SH2D4B: variants seen among roughly 807,000 people sequenced by gnomAD.
SH2D4B encodes SH2 domain containing 4B, also known as SH2 domain-containing protein 4B.
Under a neutral mutation model 61.5 loss-of-function variants are expected in SH2D4B, and 45 were observed. The observed-to-expected ratio is 0.73, with a 90% CI of 0.58 to 0.94. The LOEUF is 0.94. SH2D4B is among the 40% of genes least tolerant of loss of function. SH2D4B has a pLI of 0.00. For synonymous variants in SH2D4B, 224 were observed against 220.4 expected (o/e 1.02, Z -0.14); for missense variants, 572 against 574.2 (o/e 1.00, Z 0.04).
At chr10:80,643,794 GT>G (rs569340380) in intron 7 of SH2D4B, among the ~76,000 whole-genome samples, 198 bp from the exon 8 acceptor site, 28 of 147,796 alleles carry the variant, frequency 1.9e-4, no homozygotes, top group South Asian at 6.5e-4. Flanking sequence ...CGATGACAAA[GT>G]TTTTTTTTTT....
intron 6 of SH2D4B, among the ~76,000 whole-genome samples, chr10:80,629,572 G>A (rs1842806846): frequency 6.6e-6 from 1 of 152,144 alleles, no homozygotes; most frequent in Non-Finnish European, 1.5e-5. Context: ...TGTGTGTCAG[G>A]GGTTGTGGTG....
rs924334516 is a variant in SH2D4B at position 80,538,264 on chromosome 10, C to T, written c.-68C>T. 9 of 1,245,372 alleles carry T rather than the reference C, an allele frequency of 7.2e-6. No homozygotes were observed. Among genetic ancestry groups the T allele is most frequent in the East Asian group, 6.3e-5 (2 of 31,988 alleles). The allele number at this position is 1,245,372 out of a possible 1,614,324, so 77.1% of individuals were successfully genotyped here. A position where few individuals can be genotyped will look rare whatever the true frequency, so the allele number is the denominator to read the frequency against. On this transcript the variant is annotated 5_prime_UTR_variant, in exon 1 of 8. Transcript: ENST00000646907. This position sits in a 1 kb window ranked among gnomAD's most constrained non-coding sequence, Gnocchi z 4.8. The stretch of plus-strand genomic sequence containing the variant: ...CAGTCCGTAGTGCAGAGCAGCCCCT[C>T]GGGCGTTCTGCCTGGCCCTGCTTCC...
rs200182505 is a variant in SH2D4B, at chr10:80,588,781, A to T, written c.643+4A>T. ...GAGCGAGAGTGGGAAGAACAGTGTGAGTAGAGCTTGTGCCTCAGGCAGGGA... is the reference window on the plus strand; with the variant it reads ...GAGCGAGAGTGGGAAGAACAGTGTGTGTAGAGCTTGTGCCTCAGGCAGGGA... On this transcript the variant is annotated splice_donor_region_variant and intron_variant, in intron 4 of 7. Coordinates refer to ENST00000646907, the MANE Select transcript of SH2D4B (RefSeq NM_001388272.1). 8.7e-6 allele frequency: 14 copies of T among 1,613,824 alleles called. No individual in the cohort carries two copies. Among genetic ancestry groups the T allele is most frequent in the Non-Finnish European group, 6.8e-6 (8 of 1,179,986 alleles).
At chr10:80,563,207 G>T (rs891204701) in intron 1 of SH2D4B, among the ~76,000 whole-genome samples, 5 of 152,194 alleles carry the variant, frequency 3.3e-5, no homozygotes. Context: ...GGCCGATGCT[G>T]AACATTTTTT....
rs951467926 is a variant in SH2D4B, at chr10:80,646,406, A to T, written c.*2321A>T. 6.6e-6 allele frequency: 1 copy of T among 152,370 alleles called. No homozygotes were observed. Among genetic ancestry groups the T allele is most frequent in the Non-Finnish European group, 1.5e-5 (1 of 68,008 alleles). 9.4% of individuals were successfully genotyped at this position (152,370 alleles called of 1,614,324 possible). A position where few individuals can be genotyped will look rare whatever the true frequency, so the allele number is the denominator to read the frequency against. ...TATTTCATTTTATTTGGGGCCTGCA[A>T]TTTCTGCATGTCTCATATATTTTAG... On this transcript the variant is annotated 3_prime_UTR_variant, in exon 8 of 8. Coordinates refer to ENST00000646907, the MANE Select transcript of SH2D4B (RefSeq NM_001388272.1).
chr10:80,625,178 T>C (rs1842757076), intron 6 of SH2D4B, among the ~76,000 whole-genome samples: 1 of 152,242 alleles, frequency 6.6e-6, no homozygotes, highest in Non-Finnish European at 1.5e-5. Flanking sequence ...TGAGAACGTT[T>C]TTTTTTCTCA....
chr10:80,635,624 G>A (rs1842889084), intron 7 of SH2D4B, among the ~76,000 whole-genome samples: 1 of 152,176 alleles, frequency 6.6e-6, no homozygotes. Flanking sequence ...CAGGATCAAG[G>A]TTGATTTCTA....
intron 4 of SH2D4B, among the ~76,000 whole-genome samples, chr10:80,598,071 T>C (rs1338746544): frequency 1.3e-5 from 2 of 152,248 alleles, no homozygotes; most frequent in Non-Finnish European, 2.9e-5. Flanking sequence ...GCTACTGCAG[T>C]GTGTGGGAAG....
At chr10:80,544,326 C>T (rs928023541) in intron 1 of SH2D4B, among the ~76,000 whole-genome samples, 1 of 152,190 alleles carries the variant, frequency 6.6e-6, no homozygotes, top group Non-Finnish European at 1.5e-5. Flanking sequence ...AAGGAAGAAA[C>T]TCCGAACACA....
chr10:80,639,351 C>T (rs892803994), intron 7 of SH2D4B, among the ~76,000 whole-genome samples: 1 of 152,182 alleles, frequency 6.6e-6, no homozygotes, highest in Non-Finnish European at 1.5e-5. Flanking sequence ...TATTAACCTT[C>T]TGTCTCATTG....
At chr10:80,609,215 T>C (rs943314646) in intron 5 of SH2D4B, among the ~76,000 whole-genome samples, 1 of 152,264 alleles carries the variant, frequency 6.6e-6, no homozygotes, top group Non-Finnish European at 1.5e-5. Flanking sequence ...ACCTGGGCTG[T>C]TTTAATCCTC....
At chr10:80,551,167 C>T (rs1482872020) in intron 1 of SH2D4B, among the ~76,000 whole-genome samples, 11 of 152,220 alleles carry the variant, frequency 7.2e-5, no homozygotes, top group Non-Finnish European at 1.3e-4. Context: ...ATTCTCCTGC[C>T]TCAGCCTCCT....
rs796771295 is a variant in SH2D4B at position 80,612,182 on chromosome 10, C to CTTTTTTTTTTTTTT, written c.988+2634_988+2647dup. Among the ~76,000 whole-genome samples the CTTTTTTTTTTTTTT allele has an allele frequency of 3.2e-5, 2 of 62,994 alleles. 1 individual carries two copies. The allele number at this position is 62,994 out of a possible 152,430, so 41.3% of individuals were successfully genotyped here. A position where few individuals can be genotyped will look rare whatever the true frequency, so the allele number is the denominator to read the frequency against. On this transcript the variant is annotated intron_variant, in intron 6 of 7. Coordinates refer to ENST00000646907, the MANE Select transcript of SH2D4B (RefSeq NM_001388272.1). Reference sequence around the variant, plus strand: ...CAGCCCGGGACCTCCCCCACTCCTGCTTTTTTTTTTTTTTTTCAACTTTAC... The same window carrying CTTTTTTTTTTTTTT: ...CAGCCCGGGACCTCCCCCACTCCTGCTTTTTTTTTTTTTTTTTTTTTTTTTTTTTTCAACTTTAC...
At chr10:80,634,230 G>T in intron 6 of SH2D4B, 55 bp from the exon 7 acceptor site, 8 of 1,473,852 alleles carry the variant, frequency 5.4e-6, no homozygotes, top group East Asian at 5.0e-5. Flanking sequence ...AGAATCGTGG[G>T]GGAGGCAGTC....
At chr10:80,640,270 G>A (rs534271098) in intron 7 of SH2D4B, among the ~76,000 whole-genome samples, 2 of 152,062 alleles carry the variant, frequency 1.3e-5, no homozygotes, top group South Asian at 2.1e-4. Context: ...TGTGTCTTGG[G>A]GTTGCTCTTC....
chr10:80,571,897 C>T (rs1842051526), intron 3 of SH2D4B, among the ~76,000 whole-genome samples: 1 of 151,746 alleles, frequency 6.6e-6, no homozygotes, highest in South Asian at 2.1e-4. Context: ...CTCAGCCTCC[C>T]GAGTAGCTGG....
At chr10:80,603,107 T>A (rs1395216255) in intron 4 of SH2D4B, among the ~76,000 whole-genome samples, 1 of 152,038 alleles carries the variant, frequency 6.6e-6, no homozygotes, top group African/African-American at 2.4e-5. Flanking sequence ...GGGCTTGGCA[T>A]TGTCAATGTG....
intron 1 of SH2D4B, among the ~76,000 whole-genome samples, chr10:80,541,959 C>A (rs1009402548): frequency 6.6e-6 from 1 of 152,158 alleles, no homozygotes; most frequent in African/African-American, 2.4e-5. Context: ...TCACTTTACG[C>A]TTTGGCAAGA....
At chr10:80,608,761 TC>T (rs138456886) in intron 5 of SH2D4B, among the ~76,000 whole-genome samples, 3,603 of 152,236 alleles carry the variant, frequency 0.024, 132 homozygotes, top group African/African-American at 0.082. Flanking sequence ...TCCTTCCGCC[TC>T]CGTATCCTCT....
Sources: gnomAD v4.1 joint callset for allele counts (sites outside exome capture counted in the v4.1 genomes callset) on GRCh38, gnomAD v4.1.1 for gene constraint, Gnocchi (gnomAD v3.1) non-coding constraint, MANE v1.5 for transcripts, NCBI Gene and HGNC (gene_info 2026-07-23, HGNC 2026-07-21) for gene names.